The following BMPR1B variants were observed in gnomAD, a reference collection of about 807,000 sequenced individuals.
The protein encoded by BMPR1B is bone morphogenetic protein receptor type-1B.
In BMPR1B, 12 loss-of-function variants were observed where a neutral mutation model predicts 59.1. The observed-to-expected ratio is 0.20, with a 90% CI of 0.13 to 0.33. The LOEUF (loss-of-function observed/expected upper bound fraction) is 0.33, where lower values mean the gene tolerates loss of function less well. Among genes scored for constraint, BMPR1B ranks in the 10% least tolerant of loss-of-function variants. BMPR1B has a pLI of 1.00. For missense variants in BMPR1B, 550 were observed against 610.9 expected, an observed-to-expected ratio of 0.90 and a Z score of 1.05; for synonymous variants, 237 against 207.3, an observed-to-expected ratio of 1.14 and a Z score of -1.23.
At chr4:94,905,236 A>C (rs1444260450) in intron 2 of BMPR1B, among the ~76,000 whole-genome samples, 1 of 152,088 alleles carries the variant, frequency 6.6e-6, no homozygotes, top group Non-Finnish European at 1.5e-5. Context: ...TATTCAAAAA[A>C]TAGCAAATTA....
At chr4:94,864,398 T>A (rs1334275603) in intron 1 of BMPR1B, among the ~76,000 whole-genome samples, 1 of 152,112 alleles carries the variant, frequency 6.6e-6, no homozygotes. Context: ...ATCAAGATAG[T>A]ATTTAGAAGA....
intron 1 of BMPR1B, among the ~76,000 whole-genome samples, chr4:94,783,847 T>C (rs755890470): frequency 2.6e-5 from 4 of 152,134 alleles, no homozygotes; most frequent in Non-Finnish European, 5.9e-5. Context: ...CGTTGTAGTT[T>C]AGAGCTGGGG....
At chr4:94,903,720 G>C (rs113336009) in intron 2 of BMPR1B, among the ~76,000 whole-genome samples, 1 of 151,840 alleles carries the variant, frequency 6.6e-6, no homozygotes, top group African/African-American at 2.4e-5. Context: ...GAAGTCATTG[G>C]GGGTAGGCCT....
At chr4:95,006,270 C>T (rs1364203651) in intron 3 of BMPR1B, among the ~76,000 whole-genome samples, 3 of 150,782 alleles carry the variant, frequency 2.0e-5, no homozygotes, top group East Asian at 2.0e-4. Context: ...TAGGGCCGGG[C>T]GCGATGGCTC....
rs189601652 is a variant in BMPR1B, at chr4:94,858,229, C to T, written c.-182-17602C>T. Among the ~76,000 whole-genome samples the T allele has an allele frequency of 4.5e-3, 680 of 152,170 alleles. 7 individuals are homozygous for T. Among genetic ancestry groups the T allele is most frequent in the African/African-American group, 0.016 (650 of 41,530 alleles). ...CCTCCCAAAATGCTGGGATTACAGG[C>T]GTGAGCCACCGTGCCTGGCCAATAC... On this transcript the variant is annotated intron_variant, in intron 1 of 12. Coordinates refer to ENST00000515059, the MANE Select transcript of BMPR1B (RefSeq NM_001203.3).
At chr4:95,123,717 G>C in intron 6 of BMPR1B, 93 bp from the exon 7 acceptor site, 1 of 982,474 alleles carries the variant, frequency 1.0e-6, no homozygotes, top group South Asian at 1.4e-5. Context: ...TTTTGTGCGT[G>C]ATACTTAGCA....
At position 94,864,986 on chromosome 4, in the gene BMPR1B, TTAA is replaced by T. The variant is rs1448423515; in HGVS notation, c.-182-10840_-182-10838del. Among the ~76,000 whole-genome samples, 9 of 152,266 alleles carry T rather than the reference TTAA, an allele frequency of 5.9e-5. 1 individual carries two copies. The highest frequency in any genetic ancestry group is 2.2e-4 in the African/African-American group (9 of 41,562). Reference sequence around the variant, plus strand: ...CCTGAATGCAATGATATATAGATTTTTAATAATCTTCAAGTTTTTCTTTCTTTC... The same window carrying T: ...CCTGAATGCAATGATATATAGATTTTTAATCTTCAAGTTTTTCTTTCTTTC... On this transcript the variant is annotated intron_variant, in intron 1 of 12. Transcript: ENST00000515059.
chr4:94,887,045 A>G (rs1246009616), intron 2 of BMPR1B, among the ~76,000 whole-genome samples: 1 of 152,132 alleles, frequency 6.6e-6, no homozygotes, highest in Non-Finnish European at 1.5e-5. Context: ...GATAAAAGGT[A>G]AAAAGGAACG....
At chr4:94,811,034 T>C (rs936102628) in intron 1 of BMPR1B, among the ~76,000 whole-genome samples, 4 of 152,216 alleles carry the variant, frequency 2.6e-5, no homozygotes, top group African/African-American at 9.6e-5. Flanking sequence ...CAATAAAGAA[T>C]GATGAATTAG....
At chr4:94,940,059 T>A (rs1729451318) in intron 2 of BMPR1B, among the ~76,000 whole-genome samples, 1 of 152,212 alleles carries the variant, frequency 6.6e-6, no homozygotes, top group South Asian at 2.1e-4. Flanking sequence ...ACTAATGCAT[T>A]TGGGAGGTAT....
chr4:95,111,578 T>A (rs550505515), intron 4 of BMPR1B, among the ~76,000 whole-genome samples: 8 of 152,204 alleles, frequency 5.3e-5, no homozygotes, highest in African/African-American at 1.9e-4. Context: ...ATGAAATAAA[T>A]TTTTGACCAT....
At chr4:94,810,539 A>G (rs1432143133) in intron 1 of BMPR1B, among the ~76,000 whole-genome samples, 5 of 152,212 alleles carry the variant, frequency 3.3e-5, no homozygotes, top group African/African-American at 4.8e-5. Context: ...ATACAGCAAG[A>G]TTGGGATGTG....
At chr4:95,152,148 A>G (rs1221341827) in intron 11 of BMPR1B, among the ~76,000 whole-genome samples, 1 of 152,214 alleles carries the variant, frequency 6.6e-6, no homozygotes, top group African/African-American at 2.4e-5. Flanking sequence ...CTAAATTTTT[A>G]ATGTGCAAAA....
At chr4:95,013,824 C>T (rs1723389707) in intron 3 of BMPR1B, among the ~76,000 whole-genome samples, 1 of 152,024 alleles carries the variant, frequency 6.6e-6, no homozygotes, top group African/African-American at 2.4e-5. Flanking sequence ...ATCACTTTAC[C>T]TAATTAGATT....
At chr4:94,844,012 T>C (rs1342302958) in intron 1 of BMPR1B, among the ~76,000 whole-genome samples, 1 of 151,684 alleles carries the variant, frequency 6.6e-6, no homozygotes, top group East Asian at 1.9e-4. Flanking sequence ...GGCTGGGGTA[T>C]GGGGGGAAAT....
intron 2 of BMPR1B, among the ~76,000 whole-genome samples, chr4:94,960,727 A>G (rs1038264137): frequency 6.6e-6 from 1 of 151,858 alleles, no homozygotes; most frequent in Non-Finnish European, 1.5e-5. Flanking sequence ...AAATATATAT[A>G]TATATATTTT....
At chr4:95,099,238 G>C (rs924874440) in intron 3 of BMPR1B, among the ~76,000 whole-genome samples, 1 of 152,160 alleles carries the variant, frequency 6.6e-6, no homozygotes, top group Non-Finnish European at 1.5e-5. Context: ...TTCTTGGCTC[G>C]ATTCTCTTTT....
At chr4:95,050,341 T>G (rs1726405952) in intron 3 of BMPR1B, among the ~76,000 whole-genome samples, 1 of 152,238 alleles carries the variant, frequency 6.6e-6, no homozygotes, top group African/African-American at 2.4e-5. Flanking sequence ...ATGTGTAGTT[T>G]AGTAAACTTA....
At chr4:94,804,748 G>C (rs1387745345) in intron 1 of BMPR1B, among the ~76,000 whole-genome samples, 40 of 152,082 alleles carry the variant, frequency 2.6e-4, no homozygotes. Flanking sequence ...TGGTAAAGTA[G>C]TTTATGTGAT....
Sources: gnomAD v4.1 joint callset for allele counts (sites outside exome capture counted in the v4.1 genomes callset) on GRCh38, gnomAD v4.1.1 for gene constraint, MANE v1.5 for transcripts, NCBI Gene and HGNC (gene_info 2026-07-23, HGNC 2026-07-21) for gene names.